Variants in USP8 observed in about 807,000 individuals in gnomAD.
USP8 encodes the protein ubiquitin carboxyl-terminal hydrolase 8.
Under a neutral mutation model 130.0 loss-of-function variants are expected in USP8, and 27 were observed. The observed-to-expected ratio is 0.21, with a 90% CI of 0.15 to 0.29. The LOEUF is 0.29. Ranked by LOEUF, USP8 falls within the 10% of genes least tolerant of loss-of-function variation. USP8 has a pLI of 1.00. For synonymous variants in USP8, 392 were observed against 444.1 expected, an observed-to-expected ratio of 0.88 and a Z score of 1.48; for missense variants, 1,029 against 1,312.2, an observed-to-expected ratio of 0.78 and a Z score of 3.33.
intron 12 of USP8, 26 bp from the exon 13 acceptor site, chr15:50,489,775 A>T (rs1465014031): frequency 6.7e-5 from 93 of 1,392,012 alleles, no homozygotes; most frequent in Non-Finnish European, 8.4e-5. Context: ...ATTTTTTTTT[A>T]ATTTTTTTTA....
At chr15:50,462,603 T>C (rs1187065494) in intron 6 of USP8, among the ~76,000 whole-genome samples, 1 of 152,208 alleles carries the variant, frequency 6.6e-6, no homozygotes, top group Non-Finnish European at 1.5e-5. Context: ...CTTGTTTTCT[T>C]TTCAACATGC....
rs2052710314 is a variant in USP8, at chr15:50,509,443, T to A, written c.*10355T>A. 1 of 152,018 alleles carries A rather than the reference T, an allele frequency of 6.6e-6. No individual in the cohort carries two copies. Among genetic ancestry groups the A allele is most frequent in the Non-Finnish European group, 1.5e-5 (1 of 68,080 alleles). The allele number at this position is 152,018 out of a possible 1,614,324, so 9.4% of individuals were successfully genotyped here. Reference sequence around the variant, plus strand: ...CAGGCGGATCACCAGGTCAGGAAATTGAGACTATCCTGGCTAACACGGTGA... The same window carrying A: ...CAGGCGGATCACCAGGTCAGGAAATAGAGACTATCCTGGCTAACACGGTGA... On this transcript the variant is annotated 3_prime_UTR_variant, in exon 20 of 20. Transcript: ENST00000307179.
chr15:50,480,103 A>G (rs2051712029), intron 10 of USP8, among the ~76,000 whole-genome samples: 1 of 152,168 alleles, frequency 6.6e-6, no homozygotes, highest in Admixed American at 6.5e-5. Context: ...TTCGTTTTGT[A>G]AGAACACTAT....
chr15:50,509,361 AG>A lies in USP8; in HGVS notation c.*10274del, dbSNP rs2052708874. 1 of 151,364 alleles carries A rather than the reference AG, an allele frequency of 6.6e-6. No individual in the cohort carries two copies. The highest frequency in any genetic ancestry group is 2.1e-4 in the South Asian group (1 of 4,808). 9.4% of individuals were successfully genotyped at this position (151,364 alleles called of 1,614,324 possible). A position where few individuals can be genotyped will look rare whatever the true frequency, so the allele number is the denominator to read the frequency against. Reference sequence around the variant, plus strand: ...TCAATAGTAAGATTTAGAGAATAAGAGACAAGGCGGCCGGGCGCGGTGGCTC... The same window carrying A: ...TCAATAGTAAGATTTAGAGAATAAGAACAAGGCGGCCGGGCGCGGTGGCTC... On this transcript the variant is annotated 3_prime_UTR_variant, in exon 20 of 20. Coordinates refer to ENST00000307179, the MANE Select transcript of USP8 (RefSeq NM_005154.5).
At chr15:50,461,681 C>T (rs982536180) in intron 5 of USP8, among the ~76,000 whole-genome samples, 5 of 151,824 alleles carry the variant, frequency 3.3e-5, no homozygotes, top group African/African-American at 1.2e-4. Flanking sequence ...AGCAAAACCC[C>T]ATCTCTACTA....
intron 2 of USP8, among the ~76,000 whole-genome samples, chr15:50,440,999 C>A (rs1375117727): frequency 2.3e-5 from 3 of 132,864 alleles, no homozygotes; most frequent in African/African-American, 9.2e-5. Flanking sequence ...TAGACCCCAT[C>A]TCAAAAAAAA....
At chr15:50,475,611 T>G (rs923710352) in intron 8 of USP8, among the ~76,000 whole-genome samples, 6 of 151,774 alleles carry the variant, frequency 4.0e-5, no homozygotes, top group Admixed American at 1.3e-4. Flanking sequence ...ATTTACTTAT[T>G]TATTTTTCGA....
intron 7 of USP8, among the ~76,000 whole-genome samples, chr15:50,470,252 A>G (rs1357838168): frequency 6.6e-6 from 1 of 152,238 alleles, no homozygotes; most frequent in African/African-American, 2.4e-5. Context: ...GAGGTGAGAT[A>G]GGTAAGACGT....
intron 8 of USP8, among the ~76,000 whole-genome samples, chr15:50,472,391 C>T (rs929080161): frequency 1.2e-4 from 18 of 148,774 alleles, no homozygotes; most frequent in African/African-American, 3.7e-4. Flanking sequence ...GTCAGGAGAT[C>T]GAGACCATCC....
chr15:50,477,232 G>A, intron 9 of USP8, 44 bp from the exon 10 acceptor site: 1 of 1,535,610 alleles, frequency 6.5e-7, no homozygotes, highest in Non-Finnish European at 8.9e-7. Flanking sequence ...TACTGTGTAT[G>A]GGGTTTGCTA....
chr15:50,438,401 T>G (rs2141252963), intron 1 of USP8, among the ~76,000 whole-genome samples: 1 of 152,290 alleles, frequency 6.6e-6, no homozygotes, highest in South Asian at 2.1e-4. Flanking sequence ...CTGGCCAATA[T>G]GACGAAACCC....
intron 7 of USP8, among the ~76,000 whole-genome samples, chr15:50,465,507 T>G (rs1306903165): frequency 6.6e-6 from 1 of 152,170 alleles, no homozygotes; most frequent in Non-Finnish European, 1.5e-5. Flanking sequence ...TTTTGAAGGT[T>G]GAAGTTACGG....
chr15:50,441,465 A>G lies in USP8; in HGVS notation c.221A>G (p.Lys74Arg), dbSNP rs756495148. ...MKYVTVYNLIKKRPDFKQQQD... is the reference protein window; with the variant it reads ...MKYVTVYNLIRKRPDFKQQQD... ...TACGTGACTGTTTATAATCTTATCA[A>G]AAAAAGACCTGATTTCAAGCAACAG... is the stretch of plus-strand genomic sequence containing the variant. The change falls in exon 3 of 20, where the codon AAA (lysine) becomes AGA (arginine). Residue 74 changes from lysine to arginine, a missense_variant. Transcript: ENST00000307179. 3 of 1,575,072 alleles carry G rather than the reference A, an allele frequency of 1.9e-6. No individual in the cohort carries two copies. The South Asian group carries it at 3.6e-5, about 19-fold the overall frequency.
intron 16 of USP8, among the ~76,000 whole-genome samples, chr15:50,495,586 A>C (rs1380459388): frequency 6.6e-6 from 1 of 152,022 alleles, no homozygotes; most frequent in African/African-American, 2.4e-5. Context: ...ACAAGCATGA[A>C]CCACCACATC....
At chr15:50,455,370 G>T (rs527315183) in intron 4 of USP8, among the ~76,000 whole-genome samples, 3 of 145,794 alleles carry the variant, frequency 2.1e-5, no homozygotes, top group East Asian at 2.2e-4. Flanking sequence ...GAGCCACTGC[G>T]CCCAGCCCAA....
chr15:50,506,627 G>A lies in USP8; in HGVS notation c.*7539G>A, dbSNP rs2052661967. ...GAATTTATTACTAGTTGAAATATAT[G>A]GGATGTAGTAAATTTACCAAATATT... On this transcript the variant is annotated 3_prime_UTR_variant, in exon 20 of 20. Transcript: ENST00000307179. 1 of 152,092 alleles carries A rather than the reference G, an allele frequency of 6.6e-6. No individual in the cohort carries two copies. Among genetic ancestry groups the A allele is most frequent in the African/African-American group, 2.4e-5 (1 of 41,410 alleles). 9.4% of individuals were successfully genotyped at this position (152,092 alleles called of 1,614,324 possible).
chr15:50,447,624 G>A (rs540491253), intron 3 of USP8, among the ~76,000 whole-genome samples: 2 of 150,306 alleles, frequency 1.3e-5, no homozygotes, highest in Admixed American at 6.7e-5. Flanking sequence ...GTACAATGGC[G>A]TGATCTCAGC....
chr15:50,493,191 G>C (rs1166248951), intron 15 of USP8: 1 of 527,892 alleles, frequency 1.9e-6, no homozygotes, highest in Non-Finnish European at 3.6e-6. Context: ...ACCTAATCCT[G>C]TTCACCCGGG....
Position 50,492,343 on chromosome 15 carries a change from T to C in USP8, c.2235-358T>C, listed in dbSNP as rs552418076. ...TTGGCATTCTGGGTGAGTTCAAACA[T>C]TTGATAATGCCAAACTTCCAGGGAT... On this transcript the variant is annotated intron_variant, in intron 14 of 19. Coordinates refer to ENST00000307179, the MANE Select transcript of USP8 (RefSeq NM_005154.5). Among the ~76,000 whole-genome samples, 13 of 152,258 alleles carry C rather than the reference T, an allele frequency of 8.5e-5. No homozygotes were observed. The East Asian group carries it at 2.5e-3, about 29-fold the overall frequency.
Sources: allele counts gnomAD v4.1 joint callset (sites outside exome capture counted in the v4.1 genomes callset), GRCh38; gene constraint gnomAD v4.1.1; transcripts MANE v1.5; gene names NCBI Gene and HGNC (gene_info 2026-07-23, HGNC 2026-07-21).